SKOR2: variants seen among roughly 807,000 people sequenced by gnomAD.
SKOR2 encodes LBX1 corepressor 1-like protein.
In SKOR2, 47 loss-of-function variants were observed where a neutral mutation model predicts 69.1. That is an observed-to-expected ratio of 0.68 (90% CI 0.54 to 0.87). The LOEUF (loss-of-function observed/expected upper bound fraction) is 0.87. Among genes scored for constraint, SKOR2 ranks in the 40% least tolerant of loss-of-function variants. The pLI, the probability that SKOR2 is intolerant of heterozygous loss-of-function variation, is 0.00. For synonymous variants in SKOR2, 717 were observed against 672.6 expected, an observed-to-expected ratio of 1.07 and a Z score of -1.02; for missense variants, 1,404 against 1,472.2, an observed-to-expected ratio of 0.95 and a Z score of 0.76.
intron 6 of SKOR2, among the ~76,000 whole-genome samples, chr18:47,229,152 G>A (rs1833718146): frequency 6.6e-6 from 1 of 152,054 alleles, no homozygotes; most frequent in African/African-American, 2.4e-5. Flanking sequence ...ATTACATTTA[G>A]GAAGCCCTAA....
chr18:47,219,819 G>A (rs2064155527), intron 7 of SKOR2, 124 bp downstream of exon 7: 10 of 776,490 alleles, frequency 1.3e-5, no homozygotes, highest in Non-Finnish European at 2.1e-5. Context: ...TAGCATCTAA[G>A]CCAGCTGAGA....
intron 8 of SKOR2, 120 bp downstream of exon 8, chr18:47,211,966 C>G (rs1365984196): frequency 6.4e-6 from 6 of 940,018 alleles, no homozygotes; most frequent in Admixed American, 4.3e-5. Flanking sequence ...TATATTGACT[C>G]AAACACAGGA....
In SKOR2 at chr18:47,229,381, C is replaced by T. The variant is rs182561620; in HGVS notation, c.2917+1078G>A. Among the ~76,000 whole-genome samples, 247 of 152,234 alleles carry T rather than the reference C, an allele frequency of 1.6e-3. 1 individual carries two copies. The highest frequency in any genetic ancestry group is 3.0e-3 in the Non-Finnish European group (207 of 68,016). On this transcript the variant is annotated intron_variant, in intron 6 of 8. Transcript: ENST00000425639. ...GAAAAATAAGTTTGCAGGCCAGGCA[C>T]AGTGGCTCATGCCTGTAATCCCAGC... is the stretch of plus-strand genomic sequence containing the variant.
rs1568090840 is a variant in SKOR2 at position 47,246,664 on chromosome 18, G to GGGC, written c.2517_2519dup (p.Pro840dup). ...CGCCACTCGCCTTCTGGGGGGCCAG[G>GGGC]GGCGGCGGCGGGGGCGGGGGCAGGT... On this transcript the variant is annotated inframe_insertion, in exon 2 of 9. Coordinates refer to ENST00000425639, the MANE Select transcript of SKOR2 (RefSeq NM_001278063.4). 6.7e-7 allele frequency: 1 copy of GGGC among 1,497,564 alleles called. No individual in the cohort carries two copies. Among genetic ancestry groups the GGGC allele is most frequent in the South Asian group, 1.3e-5 (1 of 79,020 alleles). 92.8% of individuals were successfully genotyped at this position (1,497,564 alleles called of 1,614,324 possible).
intron 4 of SKOR2, among the ~76,000 whole-genome samples, chr18:47,238,320 CTTT>C (rs772229985): frequency 4.3e-4 from 46 of 108,064 alleles, no homozygotes; most frequent in Middle Eastern, 5.7e-3. Context: ...CTTTTCTTTT[CTTT>C]TTTTTTTTTT....
chr18:47,247,996 C>A lies in SKOR2; in HGVS notation c.1188G>T (p.Gln396His), dbSNP rs1177254449. The change falls in exon 2 of 9, where the codon CAG becomes CAT. Residue 396 changes from glutamine to histidine, a missense_variant. By Grantham distance (24) the Gln-to-His change is conservative. Coordinates refer to ENST00000425639, the MANE Select transcript of SKOR2 (RefSeq NM_001278063.4). This position sits in a 1 kb window ranked among gnomAD's most constrained non-coding sequence, Gnocchi z 6.6. ...PSKGSFGGVLQKFPGCGGLFP... is the reference protein window; with the variant it reads ...PSKGSFGGVLHKFPGCGGLFP... ...AGAGCCCGCCGCAGCCCGGGAACTTCTGCAGGACGCCCCCGAACGAGCCCT... is the reference window on the plus strand; with the variant it reads ...AGAGCCCGCCGCAGCCCGGGAACTTATGCAGGACGCCCCCGAACGAGCCCT... 7.0e-7 allele frequency: 1 copy of A among 1,422,186 alleles called. No homozygotes were observed. The highest frequency in any genetic ancestry group is 9.2e-7 in the Non-Finnish European group (1 of 1,090,468). The allele number at this position is 1,422,186 out of a possible 1,614,324, so 88.1% of individuals were successfully genotyped here.
chr18:47,233,935 T>A (rs539622040), intron 4 of SKOR2, among the ~76,000 whole-genome samples: 1 of 152,350 alleles, frequency 6.6e-6, no homozygotes, highest in South Asian at 2.1e-4. Context: ...TGTCTTTTCA[T>A]CAGCTTTGTA....
chr18:47,239,586 TA>T (rs2064240000), intron 4 of SKOR2, among the ~76,000 whole-genome samples: 2 of 152,246 alleles, frequency 1.3e-5, no homozygotes, highest in African/African-American at 4.8e-5. Context: ...CGAGTTCATT[TA>T]GAAAGCTCTT....
chr18:47,209,000 G>A (rs573141768), intron 8 of SKOR2, among the ~76,000 whole-genome samples: 52 of 152,256 alleles, frequency 3.4e-4, no homozygotes, highest in African/African-American at 1.2e-3. Context: ...TCTTTATGGC[G>A]TTATCAAGGG....
chr18:47,234,905 C>A, intron 4 of SKOR2, among the ~76,000 whole-genome samples: 2 of 149,466 alleles, frequency 1.3e-5, no homozygotes, highest in South Asian at 2.1e-4. Flanking sequence ...CACAGCAATT[C>A]TAACAGTGTA....
At chr18:47,238,255 G>C (rs2064233418) in intron 4 of SKOR2, among the ~76,000 whole-genome samples, 1 of 151,368 alleles carries the variant, frequency 6.6e-6, no homozygotes, top group African/African-American at 2.4e-5. Flanking sequence ...AAAAAAGAAA[G>C]AAAGTGTGTT....
intron 6 of SKOR2, among the ~76,000 whole-genome samples, chr18:47,221,508 C>G (rs902877965): frequency 1.1e-4 from 17 of 152,214 alleles, no homozygotes; most frequent in African/African-American, 4.1e-4. Context: ...AAACCACTCT[C>G]CAGTCCTCAA....
chr18:47,224,811 G>A (rs2064173238), intron 6 of SKOR2, among the ~76,000 whole-genome samples: 1 of 151,732 alleles, frequency 6.6e-6, no homozygotes, highest in East Asian at 1.9e-4. Flanking sequence ...GTAGAGACAG[G>A]GTCCCAGTAT....
chr18:47,230,465 C>G lies in SKOR2; in HGVS notation c.2911G>C (p.Val971Leu). Reference sequence around the variant, plus strand: ...AATAAAAGTGATTTCTTACTGAATACTGGGAAAGATGTGTTTCCTTTTAAC... The same window carrying G: ...AATAAAAGTGATTTCTTACTGAATAGTGGGAAAGATGTGTTTCCTTTTAAC... ...QVLKGNTSFPVFNNFQDQMKR... is the reference protein window; with the variant it reads ...QVLKGNTSFPLFNNFQDQMKR... Residue 971 changes from valine to leucine, a missense_variant, in exon 6 of 9, where the codon GTA becomes CTA. By Grantham distance (32) the Val-to-Leu change is conservative. Coordinates refer to ENST00000425639, the MANE Select transcript of SKOR2 (RefSeq NM_001278063.4). The G allele has an allele frequency of 7.0e-7, 1 of 1,418,672 alleles. No individual in the cohort carries two copies. Among genetic ancestry groups the G allele is most frequent in the South Asian group, 1.6e-5 (1 of 62,342 alleles). The allele number at this position is 1,418,672 out of a possible 1,614,324, so 87.9% of individuals were successfully genotyped here. A position where few individuals can be genotyped will look rare whatever the true frequency, so the allele number is the denominator to read the frequency against.
At position 47,245,566 on chromosome 18, in the gene SKOR2, G is replaced by A; in HGVS notation, c.2614-5C>T. On this transcript the variant is annotated splice_region_variant and splice_polypyrimidine_tract_variant and intron_variant, in intron 2 of 8. Transcript: ENST00000425639. Reference sequence around the variant, plus strand: ...ATTTTCCTTAGTTTTCTGACTCTGTGTGGAAAAGAATTAGACATACAAATC... The same window carrying A: ...ATTTTCCTTAGTTTTCTGACTCTGTATGGAAAAGAATTAGACATACAAATC... 1.4e-6 allele frequency: 2 copies of A among 1,466,766 alleles called. No homozygotes were observed. The highest frequency in any genetic ancestry group is 1.8e-6 in the Non-Finnish European group (2 of 1,114,756). The allele number at this position is 1,466,766 out of a possible 1,614,324, so 90.9% of individuals were successfully genotyped here.
intron 3 of SKOR2, among the ~76,000 whole-genome samples, chr18:47,245,209 A>G (rs964149226): frequency 2.6e-5 from 4 of 152,228 alleles, no homozygotes; most frequent in African/African-American, 4.8e-5. Context: ...TATTTATGTA[A>G]CTGTGTATGT....
At chr18:47,227,628 GC>G (rs1281158576) in intron 6 of SKOR2, among the ~76,000 whole-genome samples, 3 of 152,162 alleles carry the variant, frequency 2.0e-5, no homozygotes, top group African/African-American at 7.2e-5. Context: ...ACTGTGCCTG[GC>G]CAGAAGCCAA....
At chr18:47,215,927 T>C (rs1177048118) in intron 7 of SKOR2, among the ~76,000 whole-genome samples, 3 of 152,200 alleles carry the variant, frequency 2.0e-5, no homozygotes, top group Admixed American at 2.0e-4. Flanking sequence ...TAGTAGCTTA[T>C]ACACAGATGC....
rs12966888 is a variant in SKOR2 at position 47,215,911 on chromosome 18, C to T, written c.2986-3760G>A. Among the ~76,000 whole-genome samples, 19 of 152,264 alleles carry T rather than the reference C, an allele frequency of 1.2e-4. 1 individual carries two copies. Among genetic ancestry groups the T allele is most frequent in the Admixed American group, 6.5e-4 (10 of 15,294 alleles). On this transcript the variant is annotated intron_variant, in intron 7 of 8. Coordinates refer to ENST00000425639, the MANE Select transcript of SKOR2 (RefSeq NM_001278063.4). ...ATAAAAAAGCATGTCTTCAACAAAT[C>T]TACAGTAGTAGCTTATACACAGATG... is the stretch of plus-strand genomic sequence containing the variant.
Sources: gnomAD v4.1 joint callset for allele counts (sites outside exome capture counted in the v4.1 genomes callset) on GRCh38, gnomAD v4.1.1 for gene constraint, Gnocchi (gnomAD v3.1) non-coding constraint, MANE v1.5 for transcripts, NCBI Gene and HGNC (gene_info 2026-07-23, HGNC 2026-07-21) for gene names.